DPP10: variants seen among roughly 807,000 people sequenced by gnomAD.
DPP10 encodes dipeptidyl peptidase like 10, also known as inactive dipeptidyl peptidase 10.
In DPP10, 33 loss-of-function variants were observed where a neutral mutation model predicts 120.9. The observed-to-expected ratio is 0.27, with a 90% CI of 0.21 to 0.37. The LOEUF is 0.37. Ranked by LOEUF, DPP10 falls within the 10% of genes least tolerant of loss-of-function variation. The probability of loss-of-function intolerance (pLI) is 1.00; values close to 1 mark genes in which losing one functional copy is unlikely to be tolerated. For missense variants in DPP10, 816 were observed against 942.8 expected (o/e 0.87, Z 1.76); for synonymous variants, 337 against 326.1 (o/e 1.03, Z -0.36).
chr2:114,868,462 C>G (rs2106554681), intron 1 of DPP10, among the ~76,000 whole-genome samples: 2 of 152,206 alleles, frequency 1.3e-5, no homozygotes, highest in Middle Eastern at 3.4e-3. Flanking sequence ...TTTTATTTCC[C>G]CATTTCACCA....
intron 1 of DPP10, among the ~76,000 whole-genome samples, chr2:115,303,300 CCTT>C (rs1286977974): frequency 2.0e-5 from 3 of 151,622 alleles, no homozygotes; most frequent in Non-Finnish European, 2.9e-5. Context: ...TCAGATTTTG[CCTT>C]CTTCTTTTGG....
chr2:115,347,699 T>C (rs948385181), intron 3 of DPP10, among the ~76,000 whole-genome samples: 7 of 152,106 alleles, frequency 4.6e-5, no homozygotes, highest in African/African-American at 1.7e-4. Flanking sequence ...GTTCTCATTG[T>C]GCAACTCCCA....
chr2:115,068,353 T>C (rs1707097794), intron 1 of DPP10, among the ~76,000 whole-genome samples: 1 of 152,114 alleles, frequency 6.6e-6, no homozygotes, highest in African/African-American at 2.4e-5. Flanking sequence ...ATGTACCTAT[T>C]GGCCACTTAT....
chr2:115,766,310 GTATATA>G (rs1221483510), intron 12 of DPP10, among the ~76,000 whole-genome samples: 95 of 81,706 alleles, frequency 1.2e-3, no homozygotes, highest in African/African-American at 2.3e-3. Flanking sequence ...GTGTGTGTGT[GTATATA>G]TATATATATG....
At chr2:115,478,920 G>A (rs577024296) in intron 3 of DPP10, among the ~76,000 whole-genome samples, 92 of 152,254 alleles carry the variant, frequency 6.0e-4, no homozygotes, top group African/African-American at 2.1e-3. Flanking sequence ...TGGTGATGAC[G>A]TGGAGAAACT....
chr2:115,087,582 G>T (rs192237139), intron 1 of DPP10, among the ~76,000 whole-genome samples: 1 of 122,370 alleles, frequency 8.2e-6, no homozygotes, highest in East Asian at 2.3e-4. Flanking sequence ...TTGTTGCCCA[G>T]GCTAGAGTTG....
chr2:115,591,327 T>G (rs988357577), intron 5 of DPP10, among the ~76,000 whole-genome samples: 2 of 152,198 alleles, frequency 1.3e-5, no homozygotes, highest in African/African-American at 2.4e-5. Flanking sequence ...TTGAATTAAT[T>G]TTTGTAAGGT....
intron 1 of DPP10, among the ~76,000 whole-genome samples, chr2:114,726,507 T>C (rs1025717485): frequency 6.6e-6 from 1 of 152,248 alleles, no homozygotes; most frequent in African/African-American, 2.4e-5. Context: ...AAGTTAGGCC[T>C]GGTGGCACTG....
chr2:114,767,152 C>A (rs1231694047), intron 1 of DPP10, among the ~76,000 whole-genome samples: 8 of 65,464 alleles, frequency 1.2e-4, no homozygotes, highest in South Asian at 5.7e-4. Flanking sequence ...ACAACAACAA[C>A]ACACCGAAGT....
intron 5 of DPP10, among the ~76,000 whole-genome samples, chr2:115,564,483 A>G (rs1433680177): frequency 6.6e-6 from 1 of 152,168 alleles, no homozygotes; most frequent in Admixed American, 6.5e-5. Context: ...CTGAAACGTG[A>G]TAGAAAGTTC....
At chr2:115,723,580 T>C (rs1458971319) in intron 7 of DPP10, among the ~76,000 whole-genome samples, 2 of 151,594 alleles carry the variant, frequency 1.3e-5, no homozygotes, top group African/African-American at 2.4e-5. Flanking sequence ...CTCATTGCTC[T>C]CTGCAGGTTG....
At chr2:115,282,409 G>A (rs2060196405) in intron 1 of DPP10, among the ~76,000 whole-genome samples, 1 of 152,126 alleles carries the variant, frequency 6.6e-6, no homozygotes, top group African/African-American at 2.4e-5. Flanking sequence ...TTTGGAAAAT[G>A]TGTGGTATTT....
chr2:115,172,971 TG>T (rs2053460400), intron 1 of DPP10, among the ~76,000 whole-genome samples: 1 of 152,208 alleles, frequency 6.6e-6, no homozygotes. Flanking sequence ...AAACATGGAT[TG>T]GGAGTTGGTT....
chr2:114,982,594 AT>A (rs980221614), intron 1 of DPP10, among the ~76,000 whole-genome samples: 1 of 151,092 alleles, frequency 6.6e-6, no homozygotes, highest in Non-Finnish European at 1.5e-5. Flanking sequence ...TCAAATATAC[AT>A]TTTTTTCTTT....
At chr2:114,496,612 T>A (rs1300410071) in intron 1 of DPP10, among the ~76,000 whole-genome samples, 1 of 151,956 alleles carries the variant, frequency 6.6e-6, no homozygotes, top group Non-Finnish European at 1.5e-5. Context: ...TCTAATCACC[T>A]CCCAAAGGCC....
chr2:115,087,533 C>CTTTTTTTTTTTT (rs1310507943), intron 1 of DPP10, among the ~76,000 whole-genome samples: 26 of 92,598 alleles, frequency 2.8e-4, no homozygotes, highest in South Asian at 4.4e-4. Context: ...CTTTTCTTTT[C>CTTTTTTTTTTTT]TTTTCTTTTT....
At position 114,981,521 on chromosome 2, in the gene DPP10, C is replaced by G. The variant is rs186240188; in HGVS notation, c.61-327718C>G. Among the ~76,000 whole-genome samples, 131 of 152,258 alleles carry G rather than the reference C, an allele frequency of 8.6e-4. 1 individual carries two copies. Among genetic ancestry groups the G allele is most frequent in the African/African-American group, 3.0e-3 (124 of 41,568 alleles). Reference sequence around the variant, plus strand: ...AGAAAAAGGTCTAAAATGGTATACTCTAAATAGTCTACTACTGGGAATTCG... The same window carrying G: ...AGAAAAAGGTCTAAAATGGTATACTGTAAATAGTCTACTACTGGGAATTCG... On this transcript the variant is annotated intron_variant, in intron 1 of 25. Transcript: ENST00000410059.
chr2:115,551,049 T>C (rs1024112013), intron 5 of DPP10, among the ~76,000 whole-genome samples: 2 of 152,126 alleles, frequency 1.3e-5, no homozygotes, highest in African/African-American at 4.8e-5. Flanking sequence ...GATCTGGCAA[T>C]ATTGGCATAT....
chr2:115,472,814 A>G (rs902659020), intron 3 of DPP10, among the ~76,000 whole-genome samples: 5 of 152,240 alleles, frequency 3.3e-5, no homozygotes, highest in African/African-American at 1.2e-4. Flanking sequence ...TTCAGAGTAC[A>G]GAGATTTTTG....
Sources: gnomAD v4.1 joint callset for allele counts (sites outside exome capture counted in the v4.1 genomes callset) on GRCh38, gnomAD v4.1.1 for gene constraint, MANE v1.5 for transcripts, NCBI Gene and HGNC (gene_info 2026-07-23, HGNC 2026-07-21) for gene names.